ZNF654: variants seen among roughly 807,000 people sequenced by gnomAD.
ZNF654 encodes zinc finger protein 654, also known as melanoma-associated antigen.
In ZNF654, 19 loss-of-function variants were observed where a neutral mutation model predicts 95.3. The ratio of observed to expected loss-of-function variants is 0.20; its 90% CI spans 0.14 to 0.29. The LOEUF (loss-of-function observed/expected upper bound fraction) is 0.29. Among genes scored for constraint, ZNF654 ranks in the 10% least tolerant of loss-of-function variants. ZNF654 has a pLI of 1.00. For synonymous variants in ZNF654, 413 were observed against 457.9 expected (o/e 0.90, Z 1.25); for missense variants, 1,046 against 1,341.0 (o/e 0.78, Z 3.44).
At chr3:88,086,454 G>T in intron 2 of ZNF654, 52 bp downstream of exon 2, 2 of 1,353,042 alleles carry the variant, frequency 1.5e-6, no homozygotes, top group Non-Finnish European at 1.9e-6. Flanking sequence ...ATGTGTTTGA[G>T]AATTTGTTTT....
chr3:88,136,536 A>G (rs1292623696), intron 7 of ZNF654, among the ~76,000 whole-genome samples: 52 of 152,202 alleles, frequency 3.4e-4, no homozygotes, highest in Non-Finnish European at 4.4e-5. Context: ...TGAGTTTTCA[A>G]TGACATGAGG....
At chr3:88,134,891 A>T (rs573368330) in intron 6 of ZNF654, among the ~76,000 whole-genome samples, 170 bp from the exon 7 acceptor site, 2 of 152,060 alleles carry the variant, frequency 1.3e-5, no homozygotes, top group Admixed American at 1.3e-4. Context: ...TTCCTCTCCC[A>T]ACTTGTTTTA....
At chr3:88,125,875 T>C (rs927497592) in intron 3 of ZNF654, among the ~76,000 whole-genome samples, 1 of 152,230 alleles carries the variant, frequency 6.6e-6, no homozygotes. Flanking sequence ...AGAAATGATG[T>C]GTCCTTTAGG....
intron 2 of ZNF654, among the ~76,000 whole-genome samples, chr3:88,091,228 C>T (rs1159491166): frequency 1.3e-5 from 2 of 152,172 alleles, no homozygotes; most frequent in African/African-American, 4.8e-5. Flanking sequence ...TTAGCTGCCC[C>T]ATCAGAACCA....
intron 3 of ZNF654, among the ~76,000 whole-genome samples, chr3:88,122,393 G>A (rs1401989966): frequency 1.3e-5 from 2 of 152,198 alleles, no homozygotes; most frequent in Non-Finnish European, 2.9e-5. Flanking sequence ...GACGGATCCA[G>A]ACCAATTATG....
chr3:88,111,836 C>A (rs1238879830), intron 2 of ZNF654, among the ~76,000 whole-genome samples: 9 of 151,926 alleles, frequency 5.9e-5, no homozygotes, highest in African/African-American at 1.9e-4. Flanking sequence ...TAGAATACAT[C>A]ATCTCTTTTA....
At chr3:88,132,760 A>G (rs2107853676) in intron 6 of ZNF654, among the ~76,000 whole-genome samples, 1 of 152,328 alleles carries the variant, frequency 6.6e-6, no homozygotes, top group East Asian at 1.9e-4. Flanking sequence ...TAATTCTTTT[A>G]ATAAAGATGC....
Position 88,139,652 on chromosome 3 carries a change from C to T in ZNF654, c.1983C>T (p.Phe661=). ...TCATCCCTGAGCATGTGGCTGAATT[C>T]ATTGAAATTCCCATAAGTGTACCAG... ...KEVIPEHVAE[F]IEIPISVPED... Residue 661 remains phenylalanine, a synonymous_variant, in exon 8 of 9, where the codon TTC becomes TTT. Coordinates refer to ENST00000636215, the MANE Select transcript of ZNF654 (RefSeq NM_001350134.2). 5 of 1,611,648 alleles carry T rather than the reference C, an allele frequency of 3.1e-6. No individual in the cohort carries two copies. Among genetic ancestry groups the T allele is most frequent in the Non-Finnish European group, 4.2e-6 (5 of 1,178,710 alleles).
chr3:88,095,852 C>A, intron 2 of ZNF654: 1 of 459,356 alleles, frequency 2.2e-6, no homozygotes. Context: ...AAAAGCCTTT[C>A]CACTTCAGCA....
intron 2 of ZNF654, among the ~76,000 whole-genome samples, chr3:88,091,587 A>G (rs1450735039): frequency 3.9e-5 from 6 of 152,302 alleles, no homozygotes; most frequent in Admixed American, 6.5e-5. Flanking sequence ...GCTAGCTGAT[A>G]TGGTTTCACT....
chr3:88,107,752 A>G (rs1704833580), intron 2 of ZNF654, among the ~76,000 whole-genome samples: 1 of 152,124 alleles, frequency 6.6e-6, no homozygotes, highest in African/African-American at 2.4e-5. Flanking sequence ...CTAATCATCC[A>G]TAAGATCTGC....
intron 7 of ZNF654, among the ~76,000 whole-genome samples, chr3:88,136,532 T>G (rs1412974862): frequency 6.6e-6 from 1 of 152,210 alleles, no homozygotes; most frequent in Non-Finnish European, 1.5e-5. Flanking sequence ...CAGCTGAGTT[T>G]TCAATGACAT....
intron 3 of ZNF654, among the ~76,000 whole-genome samples, chr3:88,119,516 G>A (rs9839322): frequency 0.78 from 115,136 of 146,860 alleles, 46,055 homozygotes; most frequent in South Asian, 0.91. Context: ...CAATGTGCAC[G>A]TGTACCCTAA....
chr3:88,135,634 A>T (rs1706731669), intron 7 of ZNF654: 1 of 152,398 alleles, frequency 6.6e-6, no homozygotes, highest in Non-Finnish European at 1.5e-5. Flanking sequence ...AAACTTAAGG[A>T]CAAAGTTTTT....
At chr3:88,060,232 C>T (rs1681769028) in intron 1 of ZNF654, among the ~76,000 whole-genome samples, 1 of 152,134 alleles carries the variant, frequency 6.6e-6, no homozygotes, top group Non-Finnish European at 1.5e-5. Context: ...CCCCCCTCAT[C>T]CTTCAATATA....
intron 1 of ZNF654, among the ~76,000 whole-genome samples, chr3:88,074,516 A>G (rs1308568103): frequency 6.6e-6 from 1 of 151,688 alleles, no homozygotes; most frequent in African/African-American, 2.4e-5. Context: ...TAATTTTTAT[A>G]TTTTTAGTAG....
chr3:88,133,539 A>G (rs566812638), intron 6 of ZNF654, among the ~76,000 whole-genome samples: 1 of 152,150 alleles, frequency 6.6e-6, no homozygotes, highest in Non-Finnish European at 1.5e-5. Context: ...GATACTTGAT[A>G]GGGCCTTTGA....
At chr3:88,092,342 A>G (rs1312880479) in intron 2 of ZNF654, among the ~76,000 whole-genome samples, 3 of 152,208 alleles carry the variant, frequency 2.0e-5, no homozygotes, top group Non-Finnish European at 2.9e-5. Context: ...GTTCTCCAAG[A>G]TGTTACAGAG....
intron 1 of ZNF654, among the ~76,000 whole-genome samples, chr3:88,077,636 A>G (rs1441432783): frequency 5.9e-5 from 9 of 152,206 alleles, no homozygotes. Flanking sequence ...CTTCTGAGAT[A>G]GGGAAACCTT....
Sources: allele counts gnomAD v4.1 joint callset (sites outside exome capture counted in the v4.1 genomes callset), GRCh38; gene constraint gnomAD v4.1.1; transcripts MANE v1.5; gene names NCBI Gene and HGNC (gene_info 2026-07-23, HGNC 2026-07-21).